The following CLIP1 variants were observed in gnomAD, a reference collection of about 807,000 sequenced individuals.
CLIP1 encodes CAP-Gly domain containing linker protein 1, also known as CAP-Gly domain-containing linker protein 1.
Under a neutral mutation model 161.6 loss-of-function variants are expected in CLIP1, and 66 were observed. That is an observed-to-expected ratio of 0.41 (90% CI 0.33 to 0.50). CLIP1 has a LOEUF of 0.50. Ranked by LOEUF, CLIP1 falls within the 20% of genes least tolerant of loss-of-function variation. The probability of loss-of-function intolerance (pLI) is 0.27; values close to 1 mark genes in which losing one functional copy is unlikely to be tolerated. For synonymous variants in CLIP1, 598 were observed against 626.2 expected (o/e 0.96, Z 0.67); for missense variants, 1,376 against 1,702.0 (o/e 0.81, Z 3.37).
At chr12:122,398,455 G>A (rs1202891241) in intron 1 of CLIP1, among the ~76,000 whole-genome samples, 4 of 151,398 alleles carry the variant, frequency 2.6e-5, no homozygotes, top group South Asian at 2.1e-4. Flanking sequence ...TTTTAAGGAC[G>A]AGCCTCTAAG....
At chr12:122,300,490 T>C (rs1445202217) in intron 20 of CLIP1, among the ~76,000 whole-genome samples, 1 of 152,252 alleles carries the variant, frequency 6.6e-6, no homozygotes, top group Non-Finnish European at 1.5e-5. Flanking sequence ...AATAGTTTCA[T>C]ACATTTGTTT....
At position 122,279,049 on chromosome 12, in the gene CLIP1, C is replaced by T; in HGVS notation, c.3744G>A (p.Glu1248=). ...TSALLTEKDA[E]LEKLRNEVTV... Reference sequence around the variant, plus strand: ...CTACCTCATTTCTCAGTTTCTCCAGCTCGGCATCCTTTTCTGTGAGTAAGG... The same window carrying T: ...CTACCTCATTTCTCAGTTTCTCCAGTTCGGCATCCTTTTCTGTGAGTAAGG... The change falls in exon 22 of 26, where the codon GAG becomes GAA. Residue 1248 remains glutamate (E), a synonymous_variant. Coordinates refer to ENST00000620786, the MANE Select transcript of CLIP1 (RefSeq NM_001247997.2). This position sits in a 1 kb window ranked among gnomAD's most constrained non-coding sequence, Gnocchi z 4.5. 1.2e-6 allele frequency: 2 copies of T among 1,612,530 alleles called. No individual in the cohort carries two copies. Among genetic ancestry groups the T allele is most frequent in the Non-Finnish European group, 1.7e-6 (2 of 1,179,594 alleles).
chr12:122,412,086 A>G (rs1956557568), intron 1 of CLIP1, among the ~76,000 whole-genome samples: 1 of 116,560 alleles, frequency 8.6e-6, no homozygotes, highest in Non-Finnish European at 1.7e-5. Context: ...TTTTTTTTTA[A>G]GAGACAGGCT....
chr12:122,388,689 C>T (rs933963406), intron 1 of CLIP1, among the ~76,000 whole-genome samples: 17 of 152,016 alleles, frequency 1.1e-4, no homozygotes, highest in African/African-American at 4.1e-4. Context: ...GAACCCCAAC[C>T]TCCTGAGTAG....
At chr12:122,354,670 C>T in intron 6 of CLIP1, 114 bp from the exon 7 acceptor site, 2 of 737,534 alleles carry the variant, frequency 2.7e-6, no homozygotes, top group South Asian at 3.3e-5. Context: ...ACTCTAAAAC[C>T]TTATGTTAAA....
chr12:122,389,913 C>T (rs1955519862), intron 1 of CLIP1, among the ~76,000 whole-genome samples: 1 of 150,558 alleles, frequency 6.6e-6, no homozygotes, highest in Non-Finnish European at 1.5e-5. Flanking sequence ...GGGGCGGATC[C>T]CTCATGGCTA....
At chr12:122,344,917 G>A (rs1952673358) in intron 10 of CLIP1, among the ~76,000 whole-genome samples, 2 of 152,082 alleles carry the variant, frequency 1.3e-5, no homozygotes, top group Admixed American at 1.3e-4. Flanking sequence ...GACATACTTC[G>A]TTATGGAAAG....
chr12:122,286,130 C>T (rs188181907), intron 21 of CLIP1, among the ~76,000 whole-genome samples: 61 of 152,288 alleles, frequency 4.0e-4, no homozygotes, highest in African/African-American at 1.4e-3. Context: ...GCAGCAACTG[C>T]TGGATAGGCT....
At chr12:122,312,278 T>C (rs1012428738) in intron 19 of CLIP1, among the ~76,000 whole-genome samples, 1 of 152,230 alleles carries the variant, frequency 6.6e-6, no homozygotes, top group Non-Finnish European at 1.5e-5. Flanking sequence ...CTTTTTTCCC[T>C]AAGATCCAAA....
intron 23 of CLIP1, 138 bp downstream of exon 23, chr12:122,278,654 T>C (rs1955527518): frequency 3.4e-6 from 3 of 888,508 alleles, no homozygotes; most frequent in East Asian, 5.2e-5. Flanking sequence ...TAGCCCTTGA[T>C]TGATTAAGTG....
At chr12:122,345,691 A>G (rs1952715140) in intron 10 of CLIP1, among the ~76,000 whole-genome samples, 1 of 152,194 alleles carries the variant, frequency 6.6e-6, no homozygotes, top group Admixed American at 6.5e-5. Flanking sequence ...TGGAATTCTA[A>G]AGTTAAGAAT....
intron 20 of CLIP1, among the ~76,000 whole-genome samples, chr12:122,294,517 C>A (rs1468733823): frequency 6.6e-6 from 1 of 152,088 alleles, no homozygotes; most frequent in East Asian, 1.9e-4. Context: ...AATCTCAGCA[C>A]TCTGGGAGGC....
intron 17 of CLIP1, among the ~76,000 whole-genome samples, chr12:122,325,741 C>T (rs1951691337): frequency 6.6e-6 from 1 of 152,144 alleles, no homozygotes; most frequent in Non-Finnish European, 1.5e-5. Context: ...GCAGCCTCCG[C>T]CTCCCAGGCT....
chr12:122,357,395 C>A (rs1476923322), intron 5 of CLIP1, among the ~76,000 whole-genome samples: 1 of 150,480 alleles, frequency 6.6e-6, no homozygotes, highest in Non-Finnish European at 1.5e-5. Flanking sequence ...GGAGCCCCTC[C>A]GCCCGGCAGC....
intron 25 of CLIP1, among the ~76,000 whole-genome samples, chr12:122,273,448 G>C (rs1955256932): frequency 6.6e-6 from 1 of 151,866 alleles, no homozygotes; most frequent in Non-Finnish European, 1.5e-5. Context: ...ATGGGGTTTT[G>C]CCAAGTTAGC....
intron 20 of CLIP1, among the ~76,000 whole-genome samples, chr12:122,290,848 T>C (rs1950218567): frequency 6.6e-6 from 1 of 151,602 alleles, no homozygotes; most frequent in Non-Finnish European, 1.5e-5. Flanking sequence ...AGCAGTTTTA[T>C]TTCTTTTTTC....
intron 1 of CLIP1, chr12:122,400,793 G>C (rs1956115650): frequency 6.6e-6 from 1 of 152,016 alleles, no homozygotes; most frequent in African/African-American, 2.4e-5. Flanking sequence ...AGCAAAACAA[G>C]AATCCATAAA....
At chr12:122,378,689 C>T (rs1019144909) in intron 2 of CLIP1, among the ~76,000 whole-genome samples, 9 of 152,130 alleles carry the variant, frequency 5.9e-5, no homozygotes, top group African/African-American at 2.2e-4. Context: ...AGTAGTCAAT[C>T]GAAGCTGATA....
intron 15 of CLIP1, among the ~76,000 whole-genome samples, chr12:122,329,517 C>G (rs933858175): frequency 6.6e-5 from 10 of 151,676 alleles, no homozygotes; most frequent in African/African-American, 2.4e-4. Context: ...GTAGTCCCAG[C>G]TACTCTGGAG....
Sources: gnomAD v4.1 joint callset for allele counts (sites outside exome capture counted in the v4.1 genomes callset) on GRCh38, gnomAD v4.1.1 for gene constraint, Gnocchi (gnomAD v3.1) non-coding constraint, MANE v1.5 for transcripts, NCBI Gene and HGNC (gene_info 2026-07-23, HGNC 2026-07-21) for gene names.